The following CNTNAP2 variants were observed in gnomAD, a reference collection of about 807,000 sequenced individuals.
CNTNAP2 encodes the protein contactin associated protein 2.
CNTNAP2 carries 98 observed loss-of-function variants against 155.2 expected under a neutral mutation model. The ratio of observed to expected loss-of-function variants is 0.63; its 90% CI spans 0.54 to 0.75. The LOEUF (loss-of-function observed/expected upper bound fraction) is 0.75. Ranked by LOEUF, CNTNAP2 falls within the 30% of genes least tolerant of loss-of-function variation. CNTNAP2 has a pLI of 0.00. For synonymous variants in CNTNAP2, 651 were observed against 631.2 expected (o/e 1.03, Z -0.47); for missense variants, 1,727 against 1,688.1 (o/e 1.02, Z -0.40).
At chr7:146,970,268 C>G (rs1330309037) in intron 3 of CNTNAP2, among the ~76,000 whole-genome samples, 2 of 152,092 alleles carry the variant, frequency 1.3e-5, no homozygotes, top group Non-Finnish European at 2.9e-5. Flanking sequence ...TCAGAGTGAA[C>G]AGGCAACCTA....
At chr7:147,500,837 C>G (rs1238315987) in intron 11 of CNTNAP2, among the ~76,000 whole-genome samples, 1 of 152,060 alleles carries the variant, frequency 6.6e-6, no homozygotes, top group Non-Finnish European at 1.5e-5. Flanking sequence ...ATTCTTTATG[C>G]CAAGTTTTGT....
chr7:148,304,782 A>C (rs1797458898), intron 21 of CNTNAP2, among the ~76,000 whole-genome samples: 1 of 152,202 alleles, frequency 6.6e-6, no homozygotes, highest in African/African-American at 2.4e-5. Flanking sequence ...TTTCACAGCC[A>C]ACAACTCTCC....
chr7:147,314,582 T>C (rs997263619), intron 9 of CNTNAP2, among the ~76,000 whole-genome samples: 2 of 150,830 alleles, frequency 1.3e-5, no homozygotes, highest in Non-Finnish European at 3.0e-5. Flanking sequence ...AGATATTCTC[T>C]GCCAGCATTG....
chr7:146,365,484 A>G (rs1795142146), intron 1 of CNTNAP2, among the ~76,000 whole-genome samples: 1 of 152,226 alleles, frequency 6.6e-6, no homozygotes, highest in South Asian at 2.1e-4. Flanking sequence ...GGAGAAGCAT[A>G]AAGGACAGAT....
At chr7:148,168,778 T>A (rs1466714125) in intron 17 of CNTNAP2, among the ~76,000 whole-genome samples, 1 of 152,224 alleles carries the variant, frequency 6.6e-6, no homozygotes, top group Non-Finnish European at 1.5e-5. Flanking sequence ...AAACTCTCAA[T>A]CATTGCTGAA....
intron 2 of CNTNAP2, among the ~76,000 whole-genome samples, chr7:146,819,864 C>G (rs2537201): frequency 0.021 from 3,242 of 152,206 alleles, 45 homozygotes; most frequent in Non-Finnish European, 0.034. Flanking sequence ...CCCTGAAATA[C>G]AGGCTGTCAG....
intron 1 of CNTNAP2, among the ~76,000 whole-genome samples, chr7:146,298,727 T>C (rs968913962): frequency 6.6e-6 from 1 of 152,170 alleles, no homozygotes; most frequent in Non-Finnish European, 1.5e-5. Context: ...CTGGAGAAAG[T>C]AGATTACAGT....
At chr7:146,597,176 T>C (rs933382798) in intron 1 of CNTNAP2, among the ~76,000 whole-genome samples, 9 of 152,108 alleles carry the variant, frequency 5.9e-5, no homozygotes, top group South Asian at 4.1e-4. Context: ...ATCACTGGTC[T>C]TTTATCATCA....
At chr7:147,366,053 G>A (rs1796224619) in intron 9 of CNTNAP2, among the ~76,000 whole-genome samples, 1 of 152,114 alleles carries the variant, frequency 6.6e-6, no homozygotes, top group Non-Finnish European at 1.5e-5. Flanking sequence ...CCTTCATCAA[G>A]AATTTTCATT....
At chr7:147,269,864 A>G (rs1804701159) in intron 8 of CNTNAP2, among the ~76,000 whole-genome samples, 1 of 152,066 alleles carries the variant, frequency 6.6e-6, no homozygotes, top group South Asian at 2.1e-4. Flanking sequence ...ACCAGCCTGG[A>G]TATTATGGTA....
At chr7:147,753,056 T>C (rs1797162520) in intron 13 of CNTNAP2, among the ~76,000 whole-genome samples, 2 of 152,214 alleles carry the variant, frequency 1.3e-5, no homozygotes, top group Admixed American at 1.3e-4. Context: ...TATATACCTA[T>C]CTTGAAGCGT....
chr7:146,474,820 A>G (rs1448093851), intron 1 of CNTNAP2, among the ~76,000 whole-genome samples: 1 of 152,212 alleles, frequency 6.6e-6, no homozygotes, highest in Non-Finnish European at 1.5e-5. Flanking sequence ...ATATCCAGGT[A>G]GAAGTGTATT....
In CNTNAP2 at chr7:146,770,217, C is replaced by G. The variant is rs887681438; in HGVS notation, c.98-4054C>G. 3.3e-5 allele frequency among the ~76,000 whole-genome samples: 5 copies of G among 151,836 alleles called. No individual in the cohort carries two copies. The South Asian group carries it at 1.0e-3, about 32-fold the overall frequency. On this transcript the variant is annotated intron_variant, in intron 1 of 23. Coordinates refer to ENST00000361727, the MANE Select transcript of CNTNAP2 (RefSeq NM_014141.6). Reference sequence around the variant, plus strand: ...TTTGTGGATTCATTTATTACTGCCACTTATGGAGGAATATGCCATATCTTT... The same window carrying G: ...TTTGTGGATTCATTTATTACTGCCAGTTATGGAGGAATATGCCATATCTTT...
At chr7:148,057,261 G>C (rs912271847) in intron 15 of CNTNAP2, among the ~76,000 whole-genome samples, 31 of 152,164 alleles carry the variant, frequency 2.0e-4, no homozygotes, top group African/African-American at 7.0e-4. Context: ...AAGTAGCCAG[G>C]TATACAAGTA....
chr7:147,521,304 A>G (rs1452447041), intron 11 of CNTNAP2, among the ~76,000 whole-genome samples: 1 of 152,110 alleles, frequency 6.6e-6, no homozygotes, highest in South Asian at 2.1e-4. Context: ...ATTATCGGGA[A>G]CCAAAGAAGC....
chr7:146,185,898 C>T (rs1798616853), intron 1 of CNTNAP2, among the ~76,000 whole-genome samples: 1 of 151,504 alleles, frequency 6.6e-6, no homozygotes, highest in Non-Finnish European at 1.5e-5. Context: ...AGTATGTCCT[C>T]AGATATAAAT....
intron 21 of CNTNAP2, among the ~76,000 whole-genome samples, chr7:148,370,898 C>G (rs1282090319): frequency 6.6e-6 from 1 of 152,184 alleles, no homozygotes; most frequent in Non-Finnish European, 1.5e-5. Context: ...AGAGTCTTCT[C>G]TTCCCCACAT....
chr7:147,851,875 G>A (rs921194459), intron 13 of CNTNAP2, among the ~76,000 whole-genome samples: 5 of 151,926 alleles, frequency 3.3e-5, no homozygotes, highest in Admixed American at 6.6e-5. Context: ...AAACCTGCAC[G>A]TTGTGCATAT....
intron 12 of CNTNAP2, among the ~76,000 whole-genome samples, chr7:147,586,150 G>A (rs902666792): frequency 6.6e-6 from 1 of 152,148 alleles, no homozygotes; most frequent in African/African-American, 2.4e-5. Context: ...TAAAGACATA[G>A]AATCAAGAGA....
Sources: allele counts gnomAD v4.1 joint callset (sites outside exome capture counted in the v4.1 genomes callset), GRCh38; gene constraint gnomAD v4.1.1; transcripts MANE v1.5; gene names NCBI Gene and HGNC (gene_info 2026-07-23, HGNC 2026-07-21).